Variants in PADI1 observed in about 807,000 individuals in gnomAD.
PADI1 encodes peptidyl arginine deiminase 1, also known as protein-arginine deiminase type-1.
A neutral mutation model predicts 74.8 loss-of-function variants in PADI1; 65 were observed. The observed-to-expected ratio is 0.87, with a 90% CI of 0.71 to 1.07. The LOEUF is 1.07. PADI1 is among the 50% of genes least tolerant of loss of function. The pLI is 0.00. For missense variants in PADI1, 943 were observed against 854.0 expected (o/e 1.10, Z -1.30); for synonymous variants, 371 against 336.2 (o/e 1.10, Z -1.13).
At chr1:17,229,639 G>A (rs766436139) in intron 8 of PADI1, among the ~76,000 whole-genome samples, 1 of 152,206 alleles carries the variant, frequency 6.6e-6, no homozygotes, top group East Asian at 1.9e-4. Context: ...TGGCCAAACA[G>A]GTTTGCTCTG....
rs764407934 is a variant in PADI1, at chr1:17,232,841, C to T, written c.1184C>T (p.Thr395Ile). The T allele has an allele frequency of 5.6e-6, 9 of 1,613,308 alleles. No homozygotes were observed. The Admixed American group carries it at 8.3e-5, about 15-fold the overall frequency. Residue 395 changes from threonine to isoleucine, a missense_variant, in exon 11 of 16, where the codon ACC becomes ATC. Physicochemically the swap from Thr to Ile is moderately conservative, Grantham distance 89. Transcript: ENST00000375471. The part of the protein sequence containing the change: ...RILGPDFGYV[T>I]REIPLPGPSS... ...TAGGGTCCTGACTTTGGATATGTTACCCGGGAGATCCCGCTCCCTGGTCCC... is the reference window on the plus strand; with the variant it reads ...TAGGGTCCTGACTTTGGATATGTTATCCGGGAGATCCCGCTCCCTGGTCCC...
intron 15 of PADI1, among the ~76,000 whole-genome samples, chr1:17,242,062 C>G (rs2100534727): frequency 6.6e-6 from 1 of 152,308 alleles, no homozygotes; most frequent in East Asian, 1.9e-4. Context: ...TAGGTCCTGG[C>G]AGAGACCCCC....
chr1:17,220,363 T>C (rs1177390248), intron 1 of PADI1, among the ~76,000 whole-genome samples: 1 of 152,128 alleles, frequency 6.6e-6, no homozygotes, highest in African/African-American at 2.4e-5. Flanking sequence ...GGAGGGGGTC[T>C]GGTTTCTCCA....
At position 17,237,420 on chromosome 1, in the gene PADI1, G is replaced by A. The variant is rs772739570; in HGVS notation, c.1420G>A (p.Asp474Asn). ...YSDWLSVGHVDEFLTFVPTSD... is the reference protein window; with the variant it reads ...YSDWLSVGHVNEFLTFVPTSD... ...GGACTGGCTCTCTGTGGGCCATGTG[G>A]ACGAGTTTCTGACCTTTGTGCCTAC... is the stretch of plus-strand genomic sequence containing the variant. Residue 474 changes from aspartate to asparagine, a missense_variant, in exon 12 of 16, where the codon GAC becomes AAC. By Grantham distance (23) the Asp-to-Asn change is conservative. Transcript: ENST00000375471. 41 of 1,613,544 alleles carry A rather than the reference G, an allele frequency of 2.5e-5. No homozygotes were observed. Among genetic ancestry groups the A allele is most frequent in the Non-Finnish European group, 3.5e-5 (41 of 1,179,696 alleles).
At position 17,225,921 on chromosome 1, in the gene PADI1, G is replaced by T. The variant is rs1184962531; in HGVS notation, c.519G>T (p.Ser173=). Residue 173 remains serine, a synonymous_variant, in exon 5 of 16, where the codon TCG becomes TCT. Coordinates refer to ENST00000375471, the MANE Select transcript of PADI1 (RefSeq NM_013358.3). ...EPDLTHSWLM[S]LADLQDMSPM... ...ACCTCACCCACAGCTGGCTGATGTC[G>T]CTGGCTGGTGAGTGACACAAGGTGT... is the stretch of plus-strand genomic sequence containing the variant. The T allele has an allele frequency of 1.2e-6, 2 of 1,613,568 alleles. No homozygotes were observed. The highest frequency in any genetic ancestry group is 3.3e-5 in the Admixed American group (2 of 60,008).
chr1:17,213,641 A>T (rs1289595116), intron 1 of PADI1, among the ~76,000 whole-genome samples: 1 of 152,182 alleles, frequency 6.6e-6, no homozygotes, highest in Non-Finnish European at 1.5e-5. Flanking sequence ...CAGGAGTTGG[A>T]GTGAAGTCTA....
At chr1:17,237,692 A>G (rs1183596567) in intron 12 of PADI1, among the ~76,000 whole-genome samples, 1 of 152,202 alleles carries the variant, frequency 6.6e-6, no homozygotes, top group East Asian at 1.9e-4. Flanking sequence ...AATAATTGGT[A>G]ATATTTATTG....
chr1:17,214,136 T>C (rs2071909266), intron 1 of PADI1, among the ~76,000 whole-genome samples: 1 of 152,172 alleles, frequency 6.6e-6, no homozygotes, highest in African/African-American at 2.4e-5. Context: ...TGACAGCATC[T>C]AACGCTGAGA....
chr1:17,227,566 TAAATAAATAA>T (rs1557468509), intron 6 of PADI1, among the ~76,000 whole-genome samples: 2 of 147,326 alleles, frequency 1.4e-5, no homozygotes, highest in African/African-American at 2.5e-5. Flanking sequence ...AATAAATAAA[TAAATAAATAA>T]ATAAATTACC....
chr1:17,221,071 G>A (rs1180329439), intron 1 of PADI1, among the ~76,000 whole-genome samples: 2 of 152,222 alleles, frequency 1.3e-5, no homozygotes, highest in Admixed American at 1.3e-4. Flanking sequence ...CTTGATCCCA[G>A]AGCTCTGATG....
intron 15 of PADI1, 76 bp downstream of exon 15, chr1:17,240,836 G>C: frequency 6.5e-7 from 1 of 1,541,782 alleles, no homozygotes. Context: ...CCCAGGGCAG[G>C]CTGGTGCAGA....
intron 1 of PADI1, among the ~76,000 whole-genome samples, chr1:17,218,142 T>C (rs1357000758): frequency 6.6e-6 from 1 of 152,144 alleles, no homozygotes; most frequent in East Asian, 1.9e-4. Context: ...GCAATTGCAT[T>C]GGTCAAATCA....
intron 11 of PADI1, 28 bp from the exon 12 acceptor site, chr1:17,237,286 G>T (rs1466259574): frequency 6.3e-7 from 1 of 1,581,726 alleles, no homozygotes; most frequent in South Asian, 1.1e-5. Flanking sequence ...GGCACAAGGT[G>T]ACTGCCCGCC....
intron 4 of PADI1, 77 bp from the exon 5 acceptor site, chr1:17,225,734 C>T (rs372855521): frequency 5.0e-5 from 46 of 926,170 alleles, no homozygotes; most frequent in Admixed American, 1.3e-4. Context: ...TAAAGCAGCC[C>T]GCCCTGGCCA....
intron 4 of PADI1, among the ~76,000 whole-genome samples, chr1:17,225,219 C>G (rs775095495): frequency 3.0e-4 from 45 of 152,220 alleles, no homozygotes; most frequent in Non-Finnish European, 5.0e-4. Flanking sequence ...TCCCCGCACC[C>G]TTCTGTGAAA....
chr1:17,234,750 C>G (rs757218278), intron 11 of PADI1, among the ~76,000 whole-genome samples: 7 of 152,154 alleles, frequency 4.6e-5, no homozygotes, highest in African/African-American at 9.7e-5. Context: ...GGAGCTTGCC[C>G]TTGAGATTTA....
Position 17,222,354 on chromosome 1 carries a change from G to A in PADI1, c.157G>A (p.Val53Ile). The A allele has an allele frequency of 1.2e-6, 2 of 1,614,032 alleles. No homozygotes were observed. The highest frequency in any genetic ancestry group is 1.1e-5 in the South Asian group (1 of 91,086). ...SGSSGVEVFMVYNRTRVKEPI... is the reference protein window; with the variant it reads ...SGSSGVEVFMIYNRTRVKEPI... ...AAGCTCCGGGGTGGAGGTCTTCATG[G>A]TCTACAACCGCACACGTGTGAAAGA... The change falls in exon 2 of 16, where the codon GTC becomes ATC. Residue 53 changes from valine (V) to isoleucine (I), a missense_variant. Val to Ile is a conservative substitution (Grantham distance 29). Transcript: ENST00000375471.
rs762129125 is a variant in PADI1, at chr1:17,240,739, G to A, written c.1737G>A (p.Ala579=). 2.9e-5 allele frequency: 46 copies of A among 1,613,876 alleles called. No individual in the cohort carries two copies. The highest frequency in any genetic ancestry group is 3.3e-5 in the South Asian group (3 of 91,066). ...PQLFFLKNFY[A]EAFFPDMVNM... ...TCTTCTTCCTGAAAAACTTCTACGC[G>A]GAAGCCTTCTTCCCAGACATGGTGA... The change falls in exon 15 of 16, where the codon GCG becomes GCA. Residue 579 remains alanine (A), a synonymous_variant. Transcript: ENST00000375471.
At chr1:17,221,761 G>A (rs1466273057) in intron 1 of PADI1, among the ~76,000 whole-genome samples, 1 of 152,216 alleles carries the variant, frequency 6.6e-6, no homozygotes. Flanking sequence ...GGAAAGCGTA[G>A]TAGGGAGGAG....
Sources: gnomAD v4.1 joint callset for allele counts (sites outside exome capture counted in the v4.1 genomes callset) on GRCh38, gnomAD v4.1.1 for gene constraint, MANE v1.5 for transcripts, NCBI Gene and HGNC (gene_info 2026-07-23, HGNC 2026-07-21) for gene names.